Variants in KSR2 observed in about 807,000 individuals in gnomAD.
KSR2 encodes the protein kinase suppressor of ras 2.
A neutral mutation model predicts 107.8 loss-of-function variants in KSR2; 25 were observed. That is an observed-to-expected ratio of 0.23 (90% CI 0.17 to 0.32). The LOEUF is 0.32. Among genes scored for constraint, KSR2 ranks in the 10% least tolerant of loss-of-function variants. KSR2 has a pLI of 1.00. For synonymous variants in KSR2, 480 were observed against 507.0 expected (o/e 0.95, Z 0.71); for missense variants, 887 against 1,268.9 (o/e 0.70, Z 4.57).
chr12:117,924,572 C>CAAAAAAAAAAAAAA (rs58789868), intron 1 of KSR2, among the ~76,000 whole-genome samples: 14 of 39,498 alleles, frequency 3.5e-4, no homozygotes, highest in African/African-American at 6.5e-4. Flanking sequence ...AGCTCCATCT[C>CAAAAAAAAAAAAAA]AAAAAAAAAA....
chr12:117,876,237 G>A (rs1466417674), intron 1 of KSR2, among the ~76,000 whole-genome samples: 1 of 152,212 alleles, frequency 6.6e-6, no homozygotes, highest in Admixed American at 6.5e-5. Flanking sequence ...ACGGGGGAGA[G>A]AATTATTTGA....
chr12:117,680,574 T>C (rs1013529808), intron 4 of KSR2, among the ~76,000 whole-genome samples: 1 of 152,194 alleles, frequency 6.6e-6, no homozygotes, highest in African/African-American at 2.4e-5. Context: ...TCTCCAAGTC[T>C]GGTTTTCACA....
At chr12:117,513,052 T>C (rs1204842721) in intron 14 of KSR2, among the ~76,000 whole-genome samples, 6 of 152,158 alleles carry the variant, frequency 3.9e-5, no homozygotes, top group Non-Finnish European at 8.8e-5. Flanking sequence ...ACCTACTTTG[T>C]GCAGGTGCTG....
intron 1 of KSR2, among the ~76,000 whole-genome samples, chr12:117,892,768 C>A (rs114102140): frequency 0.019 from 2,249 of 118,822 alleles, 41 homozygotes; most frequent in African/African-American, 0.051. Context: ...GAAAAGTTTG[C>A]TGACATCTGT....
rs1877610351 is a variant in KSR2 at position 117,555,404 on chromosome 12, G to A, written c.1394-111C>T. 1.2e-5 allele frequency: 13 copies of A among 1,040,198 alleles called. No homozygotes were observed. In the South Asian group the frequency reaches 1.8e-4, roughly 15 times the overall value. 64.4% of individuals were successfully genotyped at this position (1,040,198 alleles called of 1,614,324 possible). A position where few individuals can be genotyped will look rare whatever the true frequency, so the allele number is the denominator to read the frequency against. ...CTTAGACCCACCCTCCAGACTGGAG[G>A]ACAATTCACTAAAAGTGATAATGAT... On this transcript the variant is annotated intron_variant, in intron 8 of 19. Transcript: ENST00000339824.
intron 7 of KSR2, among the ~76,000 whole-genome samples, chr12:117,572,320 G>A (rs915667902): frequency 6.6e-6 from 1 of 152,056 alleles, no homozygotes; most frequent in Non-Finnish European, 1.5e-5. Flanking sequence ...GTACAAATAC[G>A]AAGTATCTGG....
chr12:117,929,846 G>A (rs1895647821), intron 1 of KSR2, among the ~76,000 whole-genome samples: 1 of 152,132 alleles, frequency 6.6e-6, no homozygotes, highest in Non-Finnish European at 1.5e-5. Context: ...GATGTTACCG[G>A]GAGCAGGAGG....
At chr12:117,748,652 G>A (rs1888499496) in intron 4 of KSR2, among the ~76,000 whole-genome samples, 1 of 152,124 alleles carries the variant, frequency 6.6e-6, no homozygotes, top group South Asian at 2.1e-4. Context: ...TTCCATAAGT[G>A]ACAGCTATCA....
intron 3 of KSR2, among the ~76,000 whole-genome samples, chr12:117,770,092 T>C (rs1889382501): frequency 6.6e-6 from 1 of 151,838 alleles, no homozygotes; most frequent in Admixed American, 6.6e-5. Flanking sequence ...TTATTCCTGG[T>C]CTTGGCAGGT....
intron 4 of KSR2, among the ~76,000 whole-genome samples, chr12:117,705,933 A>C (rs1886507404): frequency 1.3e-5 from 2 of 151,818 alleles, no homozygotes; most frequent in African/African-American, 4.8e-5. Context: ...GGGGCTGGTG[A>C]CACCTGCCTC....
At chr12:117,757,432 G>T (rs578159140) in intron 4 of KSR2, among the ~76,000 whole-genome samples, 1 of 152,334 alleles carries the variant, frequency 6.6e-6, no homozygotes, top group East Asian at 1.9e-4. Flanking sequence ...AAACATTTTA[G>T]AATATTGCAT....
chr12:117,471,164 C>T (rs141172531), intron 18 of KSR2, 27 bp downstream of exon 18: 379 of 1,611,496 alleles, frequency 2.4e-4, no homozygotes, highest in Non-Finnish European at 3.0e-4. Flanking sequence ...CCTCATCCCC[C>T]AAGTCTGGAC....
intron 5 of KSR2, among the ~76,000 whole-genome samples, chr12:117,625,115 G>C (rs1882401869): frequency 6.6e-6 from 1 of 152,148 alleles, no homozygotes; most frequent in Admixed American, 6.6e-5. Flanking sequence ...TGAGGCGATG[G>C]GGTTTTCTAA....
At chr12:117,780,576 G>A (rs1205471821) in intron 3 of KSR2, among the ~76,000 whole-genome samples, 3 of 152,182 alleles carry the variant, frequency 2.0e-5, no homozygotes, top group Non-Finnish European at 4.4e-5. Context: ...TGGCCATGGA[G>A]TTTCTGTTTG....
intron 4 of KSR2, among the ~76,000 whole-genome samples, chr12:117,710,344 C>A (rs1182579658): frequency 6.6e-6 from 1 of 152,140 alleles, no homozygotes; most frequent in Admixed American, 6.5e-5. Flanking sequence ...GGGAAAGTTT[C>A]AGAGCATTTG....
chr12:117,756,457 T>C (rs969744051), intron 4 of KSR2, among the ~76,000 whole-genome samples: 1 of 152,244 alleles, frequency 6.6e-6, no homozygotes, highest in East Asian at 1.9e-4. Flanking sequence ...ATGATAGCAC[T>C]TTTGTTCACA....
At chr12:117,693,799 T>TTCCC (rs1885931739) in intron 4 of KSR2, among the ~76,000 whole-genome samples, 1 of 152,164 alleles carries the variant, frequency 6.6e-6, no homozygotes, top group East Asian at 1.9e-4. Flanking sequence ...TGACAGATGG[T>TTCCC]ATACCTGCGG....
At chr12:117,484,336 C>G in intron 16 of KSR2, 80 bp downstream of exon 16, 1 of 1,534,208 alleles carries the variant, frequency 6.5e-7, no homozygotes, top group Non-Finnish European at 8.9e-7. Context: ...GTCTAGGTCA[C>G]TAAAGCCATT....
At chr12:117,579,473 T>C (rs1438461169) in intron 6 of KSR2, among the ~76,000 whole-genome samples, 2 of 152,100 alleles carry the variant, frequency 1.3e-5, no homozygotes, top group Non-Finnish European at 2.9e-5. Flanking sequence ...GGCTGGTACA[T>C]AGTAAGCACT....
Sources: gnomAD v4.1 joint callset for allele counts (sites outside exome capture counted in the v4.1 genomes callset) on GRCh38, gnomAD v4.1.1 for gene constraint, MANE v1.5 for transcripts, NCBI Gene and HGNC (gene_info 2026-07-23, HGNC 2026-07-21) for gene names.